The following DHDDS variants were observed in gnomAD, a reference collection of about 807,000 sequenced individuals.
DHDDS encodes dehydrodolichyl diphosphate synthase subunit, also known as dehydrodolichyl diphosphate synthase complex subunit DHDDS.
DHDDS carries 16 observed loss-of-function variants against 46.2 expected under a neutral mutation model. That is an observed-to-expected ratio of 0.35 (90% CI 0.23 to 0.53). The LOEUF (loss-of-function observed/expected upper bound fraction) is 0.53. DHDDS is among the 20% of genes least tolerant of loss of function. The pLI is 0.94. For synonymous variants in DHDDS, 151 were observed against 163.1 expected, an observed-to-expected ratio of 0.93 and a Z score of 0.56; for missense variants, 340 against 423.7, an observed-to-expected ratio of 0.80 and a Z score of 1.73.
intron 6 of DHDDS, among the ~76,000 whole-genome samples, chr1:26,448,806 G>C (rs2124440417): frequency 6.6e-6 from 1 of 152,208 alleles, no homozygotes; most frequent in South Asian, 2.1e-4. Flanking sequence ...GCCAGAGCTG[G>C]GACTCATATC....
chr1:26,438,386 G>A (rs1161520716), intron 3 of DHDDS, 102 bp downstream of exon 3: 1 of 1,043,540 alleles, frequency 9.6e-7, no homozygotes, highest in Non-Finnish European at 1.5e-6. Flanking sequence ...AGTGTTTTTT[G>A]TATCTGTCTC....
At chr1:26,456,263 T>A (rs529255191) in intron 6 of DHDDS, among the ~76,000 whole-genome samples, 1 of 152,176 alleles carries the variant, frequency 6.6e-6, no homozygotes, top group Non-Finnish European at 1.5e-5. Context: ...TCCTAGCTAC[T>A]TGGGAAGCTG....
chr1:26,448,193 C>CTT (rs11300095), intron 6 of DHDDS: 116 of 121,352 alleles, frequency 9.6e-4, no homozygotes, highest in East Asian at 2.1e-3. Flanking sequence ...TTTTTCTTTT[C>CTT]TTTTTTTTTT....
chr1:26,435,603 A>C (rs1194944059), intron 2 of DHDDS, among the ~76,000 whole-genome samples: 1 of 150,078 alleles, frequency 6.7e-6, no homozygotes, highest in African/African-American at 2.5e-5. Context: ...ACACCTGGCT[A>C]ATTTTTGTTT....
chr1:26,468,285 G>A (rs1029792101), intron 8 of DHDDS, among the ~76,000 whole-genome samples: 4 of 152,134 alleles, frequency 2.6e-5, no homozygotes, highest in Admixed American at 6.5e-5. Flanking sequence ...CAAGTCTGGA[G>A]CTCTGAAAAA....
chr1:26,459,005 T>C (rs2075398048), intron 7 of DHDDS, among the ~76,000 whole-genome samples: 1 of 152,292 alleles, frequency 6.6e-6, no homozygotes, highest in East Asian at 1.9e-4. Flanking sequence ...TAAGTGACAA[T>C]GTATTCCCTT....
At chr1:26,460,475 A>C (rs921378287) in intron 8 of DHDDS, among the ~76,000 whole-genome samples, 5 of 152,168 alleles carry the variant, frequency 3.3e-5, no homozygotes, top group African/African-American at 1.2e-4. Context: ...TCTTTTAAAG[A>C]CTCAGGAGGA....
intron 6 of DHDDS, chr1:26,454,878 G>A: frequency 6.3e-7 from 1 of 1,593,786 alleles, no homozygotes; most frequent in East Asian, 2.2e-5. Context: ...AAACCCTTAA[G>A]TTCAGCATTA....
At chr1:26,465,676 C>A (rs943893756) in intron 8 of DHDDS, among the ~76,000 whole-genome samples, 1 of 152,152 alleles carries the variant, frequency 6.6e-6, no homozygotes, top group Non-Finnish European at 1.5e-5. Context: ...AGTTCATTTT[C>A]CAAGAATGGT....
intron 7 of DHDDS, 57 bp downstream of exon 7, chr1:26,457,962 C>T: frequency 6.8e-7 from 1 of 1,465,302 alleles, no homozygotes. Flanking sequence ...ACTGTATCCA[C>T]AGAATGGATC....
chr1:26,453,805 A>G (rs969923865), intron 6 of DHDDS, among the ~76,000 whole-genome samples: 1 of 152,202 alleles, frequency 6.6e-6, no homozygotes, highest in African/African-American at 2.4e-5. Context: ...CTGATATTTT[A>G]CCGTTATTTA....
chr1:26,440,043 G>A (rs1259304764), intron 3 of DHDDS, among the ~76,000 whole-genome samples: 1 of 151,642 alleles, frequency 6.6e-6, no homozygotes, highest in African/African-American at 2.4e-5. Context: ...GGGAGGCTGA[G>A]GCAGGAGAAT....
chr1:26,466,176 T>A (rs1351327280), intron 8 of DHDDS: 2 of 152,164 alleles, frequency 1.3e-5, no homozygotes, highest in Admixed American at 6.6e-5. Context: ...AAAAAGTCTC[T>A]AAGGAAAGAA....
chr1:26,447,886 G>A, intron 6 of DHDDS: 1 of 610,942 alleles, frequency 1.6e-6, no homozygotes, highest in Non-Finnish European at 2.9e-6. Flanking sequence ...TCTGTGCCAT[G>A]TACTTGGCCA....
At position 26,469,104 on chromosome 1, in the gene DHDDS, G is replaced by A. The variant is rs1361671095; in HGVS notation, c.975G>A (p.Leu325=). 6.2e-7 allele frequency: 1 copy of A among 1,612,414 alleles called. No homozygotes were observed. The highest frequency in any genetic ancestry group is 2.2e-5 in the East Asian group (1 of 44,890). ...TGGAACTCAAGCGAGCTGACTGGCT[G>A]GCCCGTCTGGGCACTGCATCAGCCT... The part of the protein sequence containing the change: ...QALELKRADW[L]ARLGTASA Residue 325 remains leucine (L), a synonymous_variant, in exon 9 of 9, where the codon CTG becomes CTA. Transcript: ENST00000236342.
At chr1:26,444,965 G>A (rs1215120811) in intron 4 of DHDDS, among the ~76,000 whole-genome samples, 1 of 152,126 alleles carries the variant, frequency 6.6e-6, no homozygotes, top group Non-Finnish European at 1.5e-5. Flanking sequence ...GAGAGAAGCT[G>A]GCTGAATTCA....
At chr1:26,440,208 G>C (rs752341376) in intron 3 of DHDDS, among the ~76,000 whole-genome samples, 1 of 152,192 alleles carries the variant, frequency 6.6e-6, no homozygotes, top group Admixed American at 6.5e-5. Context: ...CCTAGCACAG[G>C]GACACAGTTT....
Position 26,469,358 on chromosome 1 carries a change from C to A in DHDDS, c.*227C>A. On this transcript the variant is annotated 3_prime_UTR_variant, in exon 9 of 9. Transcript: ENST00000236342. ...AAAGTCTCCCACGAGTACACTAAACCTAGGTCTGGTCACCAATAGGGTTTG... is the reference window on the plus strand; with the variant it reads ...AAAGTCTCCCACGAGTACACTAAACATAGGTCTGGTCACCAATAGGGTTTG... The A allele has an allele frequency of 1.4e-6, 1 of 734,324 alleles. No homozygotes were observed. Among genetic ancestry groups the A allele is most frequent in the Non-Finnish European group, 2.2e-6 (1 of 451,120 alleles). 45.5% of individuals were successfully genotyped at this position (734,324 alleles called of 1,614,324 possible). A position where few individuals can be genotyped will look rare whatever the true frequency, so the allele number is the denominator to read the frequency against.
At chr1:26,451,334 G>A (rs1463366077) in intron 6 of DHDDS, among the ~76,000 whole-genome samples, 1 of 151,472 alleles carries the variant, frequency 6.6e-6, no homozygotes, top group East Asian at 1.9e-4. Flanking sequence ...TCTAATAGCT[G>A]GAATTTTCCT....
Sources: allele counts gnomAD v4.1 joint callset (sites outside exome capture counted in the v4.1 genomes callset), GRCh38; gene constraint gnomAD v4.1.1; transcripts MANE v1.5; gene names NCBI Gene and HGNC (gene_info 2026-07-23, HGNC 2026-07-21).